Variants in GRID1 observed in about 807,000 individuals in gnomAD.
GRID1 encodes glutamate receptor ionotropic, delta-1.
In GRID1, 28 loss-of-function variants were observed where a neutral mutation model predicts 98.0. The ratio of observed to expected loss-of-function variants is 0.29; its 90% CI spans 0.21 to 0.39. The LOEUF is 0.39. Ranked by LOEUF, GRID1 falls within the 10% of genes least tolerant of loss-of-function variation. The pLI, the probability that GRID1 is intolerant of heterozygous loss-of-function variation, is 1.00. For missense variants in GRID1, 1,111 were observed against 1,340.5 expected (o/e 0.83, Z 2.67); for synonymous variants, 553 against 538.5 (o/e 1.03, Z -0.37).
Position 86,052,935 on chromosome 10 carries a change from T to C in GRID1, c.726+85884A>G, listed in dbSNP as rs9420380. 3.2e-3 allele frequency among the ~76,000 whole-genome samples: 487 copies of C among 152,322 alleles called. 5 individuals are homozygous for C. The highest frequency in any genetic ancestry group is 4.9e-3 in the Non-Finnish European group (330 of 68,024). On this transcript the variant is annotated intron_variant, in intron 4 of 15. Coordinates refer to ENST00000327946, the MANE Select transcript of GRID1 (RefSeq NM_017551.3). ...CCAGCAATTGTAGATCTAGAAATCT[T>C]TTTAAAGAAAATCACTAAGAATGTG...
At chr10:85,623,826 T>C (rs189708098) in intron 13 of GRID1, among the ~76,000 whole-genome samples, 14 of 152,318 alleles carry the variant, frequency 9.2e-5, no homozygotes, top group African/African-American at 3.1e-4. Flanking sequence ...TTCCTATTTA[T>C]ATTAACTCTT....
At chr10:86,250,671 C>G (rs1846810024) in intron 2 of GRID1, among the ~76,000 whole-genome samples, 1 of 151,632 alleles carries the variant, frequency 6.6e-6, no homozygotes, top group Non-Finnish European at 1.5e-5. Context: ...GGCCAGCCGC[C>G]CAGTCCGGGA....
intron 2 of GRID1, among the ~76,000 whole-genome samples, chr10:86,331,368 T>C (rs1189493370): frequency 6.6e-6 from 1 of 151,908 alleles, no homozygotes; most frequent in Non-Finnish European, 1.5e-5. Flanking sequence ...CTTCCCCAAC[T>C]ACCCAGGGAG....
At chr10:86,241,957 C>A (rs2814337) in intron 2 of GRID1, among the ~76,000 whole-genome samples, 78,311 of 152,174 alleles carry the variant, frequency 0.51, 23,994 homozygotes, top group Non-Finnish European at 0.67. Flanking sequence ...TCGAGCTTCA[C>A]CCCACCCTCA....
intron 2 of GRID1, among the ~76,000 whole-genome samples, chr10:86,241,484 C>T (rs1846634284): frequency 1.3e-5 from 2 of 152,268 alleles, no homozygotes; most frequent in South Asian, 2.1e-4. Context: ...CAGTCCACAC[C>T]ACCTCAGGCA....
At chr10:86,363,715 A>G (rs918582168) in intron 2 of GRID1, among the ~76,000 whole-genome samples, 3 of 152,002 alleles carry the variant, frequency 2.0e-5, no homozygotes, top group African/African-American at 4.8e-5. Flanking sequence ...CAAGAACACC[A>G]GCTCCCCGCG....
intron 8 of GRID1, among the ~76,000 whole-genome samples, chr10:85,783,302 C>T (rs1194952247): frequency 6.6e-6 from 1 of 152,162 alleles, no homozygotes; most frequent in Non-Finnish European, 1.5e-5. Flanking sequence ...GCAAGGTGCT[C>T]AAACCAGTTC....
chr10:86,339,649 C>T (rs756123844), intron 2 of GRID1, among the ~76,000 whole-genome samples: 1 of 152,192 alleles, frequency 6.6e-6, no homozygotes, highest in Admixed American at 6.5e-5. Context: ...GAGGAACCCA[C>T]GACAGCAAAG....
chr10:85,731,560 G>A (rs1279083550), intron 8 of GRID1, among the ~76,000 whole-genome samples: 2 of 152,064 alleles, frequency 1.3e-5, no homozygotes, highest in African/African-American at 2.4e-5. Context: ...CAGCATTTCG[G>A]GAGGCCAAGG....
intron 2 of GRID1, among the ~76,000 whole-genome samples, chr10:86,346,437 G>T (rs1428201290): frequency 6.6e-6 from 1 of 152,206 alleles, no homozygotes; most frequent in Non-Finnish European, 1.5e-5. Context: ...GTGGGGCCTG[G>T]CCCCAGGTCC....
intron 3 of GRID1, among the ~76,000 whole-genome samples, chr10:86,172,656 G>C (rs538904334): frequency 2.4e-4 from 36 of 152,256 alleles, no homozygotes; most frequent in African/African-American, 8.4e-4. Context: ...AAACTCGATT[G>C]ATAGTTTCCT....
chr10:85,619,843 A>G, intron 14 of GRID1, 24 bp downstream of exon 14: 2 of 1,593,360 alleles, frequency 1.3e-6, no homozygotes, highest in Non-Finnish European at 1.7e-6. Context: ...AGGCAGCGGT[A>G]GTTACCTTGC....
rs114835721 is a variant in GRID1, at chr10:86,200,526, T to A, written c.520+5838A>T. 2.8e-3 allele frequency among the ~76,000 whole-genome samples: 419 copies of A among 152,202 alleles called. 3 individuals are homozygous for A. Among genetic ancestry groups the A allele is most frequent in the African/African-American group, 9.3e-3 (387 of 41,540 alleles). On this transcript the variant is annotated intron_variant, in intron 3 of 15. Coordinates refer to ENST00000327946, the MANE Select transcript of GRID1 (RefSeq NM_017551.3). Reference sequence around the variant, plus strand: ...CCATAGCTGTGGACACCTAGCCAGGTGGACAATATCTGCCCTCCATATAGA... The same window carrying A: ...CCATAGCTGTGGACACCTAGCCAGGAGGACAATATCTGCCCTCCATATAGA...
intron 12 of GRID1, among the ~76,000 whole-genome samples, chr10:85,714,890 A>G (rs1841620808): frequency 6.6e-6 from 1 of 152,130 alleles, no homozygotes; most frequent in South Asian, 2.1e-4. Context: ...ATGGAAAAAA[A>G]ATCGTAAAAT....
At chr10:85,938,446 G>C (rs1395151279) in intron 4 of GRID1, among the ~76,000 whole-genome samples, 1 of 152,036 alleles carries the variant, frequency 6.6e-6, no homozygotes, top group Non-Finnish European at 1.5e-5. Flanking sequence ...ATTTTTATTT[G>C]AGCACTTACT....
intron 2 of GRID1, among the ~76,000 whole-genome samples, chr10:86,250,512 C>T (rs556157810): frequency 2.0e-5 from 3 of 152,354 alleles, no homozygotes; most frequent in African/African-American, 4.8e-5. Context: ...CCCAGTGGGG[C>T]ACTCAGCAGG....
At position 85,724,473 on chromosome 10, in the gene GRID1, C is replaced by G; in HGVS notation, c.1737G>C (p.Leu579=). The G allele has an allele frequency of 6.2e-7, 1 of 1,614,146 alleles. No individual in the cohort carries two copies. Among genetic ancestry groups the G allele is most frequent in the South Asian group, 1.1e-5 (1 of 91,072 alleles). Reference sequence around the variant, plus strand: ...CCTGTATCCTGTTCAACACAAATATCAGCACACCAACCACAGGGATGGCTG... The same window carrying G: ...CCTGTATCCTGTTCAACACAAATATGAGCACACCAACCACAGGGATGGCTG... ...IAAAIPVVGV[L]IFVLNRIQAV... Residue 579 remains leucine, a synonymous_variant, in exon 11 of 16, where the codon CTG becomes CTC. Transcript: ENST00000327946.
intron 4 of GRID1, among the ~76,000 whole-genome samples, chr10:86,074,010 T>G (rs1843842236): frequency 7.3e-6 from 1 of 136,202 alleles, no homozygotes; most frequent in Non-Finnish European, 1.6e-5. Flanking sequence ...AGAAATCAAG[T>G]GACAGCCACT....
chr10:85,884,838 T>C (rs1373088449), intron 5 of GRID1, among the ~76,000 whole-genome samples: 2 of 152,110 alleles, frequency 1.3e-5, no homozygotes, highest in East Asian at 3.9e-4. Context: ...TGGATCTACC[T>C]CCATTTTCAA....
Sources: allele counts gnomAD v4.1 joint callset (sites outside exome capture counted in the v4.1 genomes callset), GRCh38; gene constraint gnomAD v4.1.1; transcripts MANE v1.5; gene names NCBI Gene and HGNC (gene_info 2026-07-23, HGNC 2026-07-21).